The following OSCP1 variants were observed in gnomAD, a reference collection of about 807,000 sequenced individuals.
The protein encoded by OSCP1 is protein OSCP1.
A neutral mutation model predicts 45.1 loss-of-function variants in OSCP1; 35 were observed. The ratio of observed to expected loss-of-function variants is 0.78; its 90% CI spans 0.59 to 1.03. The LOEUF (loss-of-function observed/expected upper bound fraction) is 1.03, where lower values mean the gene tolerates loss of function less well. OSCP1 is among the 50% of genes least tolerant of loss of function. The pLI, the probability that OSCP1 is intolerant of heterozygous loss-of-function variation, is 0.00. For missense variants in OSCP1, 400 were observed against 470.7 expected (o/e 0.85, Z 1.39); for synonymous variants, 179 against 180.1 (o/e 0.99, Z 0.05).
intron 4 of OSCP1, among the ~76,000 whole-genome samples, chr1:36,424,681 C>T (rs1242470837): frequency 6.6e-6 from 1 of 152,194 alleles, no homozygotes; most frequent in African/African-American, 2.4e-5. Flanking sequence ...ACTGAAAACA[C>T]ATTACACTTA....
chr1:36,431,818 T>C lies in OSCP1; in HGVS notation c.500A>G (p.Gln167Arg). 6.2e-7 allele frequency: 1 copy of C among 1,613,594 alleles called. No individual in the cohort carries two copies. The highest frequency in any genetic ancestry group is 1.1e-5 in the South Asian group (1 of 91,066). ...LIRQTLLIFF[Q>R]DLHIRVSMFL... ...TTGACTTACTCGGATGTGCAGGTCT[T>C]GGAAGAAGATGAGGAGTGTCTGCCG... Residue 167 changes from glutamine to arginine, a missense_variant, in exon 4 of 10, where the codon CAA becomes CGA. By Grantham distance (43) the Gln-to-Arg change is conservative. Coordinates refer to ENST00000235532, the MANE Select transcript of OSCP1 (RefSeq NM_145047.5).
At position 36,450,333 on chromosome 1, in the gene OSCP1, A is replaced by G; in HGVS notation, c.37T>C (p.Leu13=). 1.9e-6 allele frequency: 3 copies of G among 1,613,916 alleles called. No homozygotes were observed. The highest frequency in any genetic ancestry group is 2.5e-6 in the Non-Finnish European group (3 of 1,179,942). The change falls in exon 1 of 10, where the codon TTG becomes CTG. Residue 13 remains leucine, a synonymous_variant. Coordinates refer to ENST00000235532, the MANE Select transcript of OSCP1 (RefSeq NM_145047.5). ...AGGATGTAAAGCATCTCCCCGCCCA[A>G]GTTCAAGAAGAGCAGCGGTAGCGTC... ...VRTLPLLFLN[L]GGEMLYILDQ... is the part of the protein sequence containing the mutation.
chr1:36,423,588 G>C, intron 4 of OSCP1, 122 bp from the exon 5 acceptor site: 2 of 726,898 alleles, frequency 2.8e-6, no homozygotes, highest in Non-Finnish European at 4.5e-6. Flanking sequence ...CAATAAGAAG[G>C]GAGAGGCTGG....
intron 4 of OSCP1, among the ~76,000 whole-genome samples, chr1:36,427,749 A>C (rs1321157495): frequency 6.6e-6 from 1 of 152,248 alleles, no homozygotes; most frequent in Non-Finnish European, 1.5e-5. Flanking sequence ...AGAATTTTTA[A>C]TATTTCAAAA....
Position 36,432,530 on chromosome 1 carries a change from C to A in OSCP1, c.327G>T (p.Lys109Asn). 2 of 1,614,140 alleles carry A rather than the reference C, an allele frequency of 1.2e-6. No homozygotes were observed. Among genetic ancestry groups the A allele is most frequent in the Non-Finnish European group, 1.7e-6 (2 of 1,180,030 alleles). Residue 109 changes from lysine (K) to asparagine (N), a missense_variant, in exon 3 of 10, where the codon AAG becomes AAT. By Grantham distance (94) the Lys-to-Asn change is moderately conservative. Transcript: ENST00000235532. ...GATTGAAAGTGACCAGCAGCACATC[C>A]TTGGGTCGGGGACACAGCAATACTT... Reference protein sequence around the residue: ...KYQVLLCPRPKDVLLVTFNHL... With the variant: ...KYQVLLCPRPNDVLLVTFNHL...
chr1:36,450,413 G>T lies in OSCP1; in HGVS notation c.-44C>A, dbSNP rs200812460. ...GACTGGTGAAGAGCCCCGGGGTTCGGTAGCCAGTGGCCTGAAGGCCAGGCC... is the reference window on the plus strand; with the variant it reads ...GACTGGTGAAGAGCCCCGGGGTTCGTTAGCCAGTGGCCTGAAGGCCAGGCC... On this transcript the variant is annotated 5_prime_UTR_variant, in exon 1 of 10. Coordinates refer to ENST00000235532, the MANE Select transcript of OSCP1 (RefSeq NM_145047.5). 6.4e-5 allele frequency: 98 copies of T among 1,530,958 alleles called. No homozygotes were observed. Among genetic ancestry groups the T allele is most frequent in the African/African-American group, 1.4e-5 (1 of 73,306 alleles). The allele number at this position is 1,530,958 out of a possible 1,614,324, so 94.8% of individuals were successfully genotyped here. A position where few individuals can be genotyped will look rare whatever the true frequency, so the allele number is the denominator to read the frequency against.
chr1:36,440,450 C>G (rs1029057077), intron 1 of OSCP1, among the ~76,000 whole-genome samples: 1 of 152,224 alleles, frequency 6.6e-6, no homozygotes. Context: ...ATGCTAAACT[C>G]ACACTTGACC....
intron 4 of OSCP1, among the ~76,000 whole-genome samples, chr1:36,431,008 G>A (rs1349393102): frequency 6.6e-6 from 1 of 152,212 alleles, no homozygotes; most frequent in Non-Finnish European, 1.5e-5. Flanking sequence ...GGGAATCAAA[G>A]GTGACATTCT....
chr1:36,426,695 C>T (rs1049840826), intron 4 of OSCP1, among the ~76,000 whole-genome samples: 1 of 152,104 alleles, frequency 6.6e-6, no homozygotes, highest in African/African-American at 2.4e-5. Flanking sequence ...TTCCTTCTCG[C>T]CTGCTGTATT....
chr1:36,436,641 C>T (rs1362424535), intron 2 of OSCP1, among the ~76,000 whole-genome samples: 1 of 152,206 alleles, frequency 6.6e-6, no homozygotes, highest in Admixed American at 6.5e-5. Flanking sequence ...AGCTGCAAGA[C>T]ACTGTGCCTG....
intron 4 of OSCP1, 113 bp downstream of exon 4, chr1:36,431,689 G>A (rs890348870): frequency 2.3e-6 from 2 of 888,598 alleles, no homozygotes; most frequent in Non-Finnish European, 3.4e-6. Context: ...GGCAAACCCT[G>A]AGGACATCAC....
At chr1:36,419,998 CAG>C (rs1647514245) in intron 8 of OSCP1, among the ~76,000 whole-genome samples, 2 of 144,026 alleles carry the variant, frequency 1.4e-5, no homozygotes, top group Admixed American at 1.4e-4. Flanking sequence ...TTTTTTGAGA[CAG>C]AGTCTTGCTG....
chr1:36,418,762 CAA>C (rs34581789), intron 9 of OSCP1, among the ~76,000 whole-genome samples: 81 of 136,618 alleles, frequency 5.9e-4, no homozygotes, highest in Non-Finnish European at 7.1e-4. Flanking sequence ...ACTAAAAATA[CAA>C]AAAAAAAAAA....
Position 36,418,246 on chromosome 1 carries a change from G to A in OSCP1, c.1033C>T (p.Arg345Trp), listed in dbSNP as rs148820896. The A allele has an allele frequency of 5.9e-5, 96 of 1,614,016 alleles. No homozygotes were observed. Among genetic ancestry groups the A allele is most frequent in the Non-Finnish European group, 7.5e-5 (89 of 1,180,024 alleles). Reference protein sequence around the residue: ...INIQATQDQQRSEELARIMGE... With the variant: ...INIQATQDQQWSEELARIMGE... ...ATGATTCGAGCCAGCTCCTCGCTCC[G>A]TTGCTGGTCCTATGAGGGAAATGAG... The change falls in exon 10 of 10, where the codon CGG (arginine) becomes TGG (tryptophan). Residue 345 changes from arginine (R) to tryptophan (W), a missense_variant. Coordinates refer to ENST00000235532, the MANE Select transcript of OSCP1 (RefSeq NM_145047.5).
intron 4 of OSCP1, among the ~76,000 whole-genome samples, chr1:36,429,753 A>T (rs976315126): frequency 8.8e-5 from 13 of 148,504 alleles, no homozygotes; most frequent in African/African-American, 3.2e-4. Flanking sequence ...TTTTATTTTT[A>T]TTTATTTATT....
At chr1:36,443,183 C>T (rs1412239759) in intron 1 of OSCP1, among the ~76,000 whole-genome samples, 2 of 152,058 alleles carry the variant, frequency 1.3e-5, no homozygotes, top group Non-Finnish European at 2.9e-5. Context: ...AGGCTGGCCT[C>T]GAACTCCTGA....
chr1:36,418,312 C>G lies in OSCP1; in HGVS notation c.1024-57G>C. ...AAGAGGCTGTGCTGGCAGGCCGCCT[C>G]TTTGTGCACTAGGCACTTAGTTTTT... On this transcript the variant is annotated intron_variant, in intron 9 of 9. Transcript: ENST00000235532. 3 of 1,504,854 alleles carry G rather than the reference C, an allele frequency of 2.0e-6. No individual in the cohort carries two copies. In the South Asian group the frequency reaches 3.4e-5, roughly 17 times the overall value. The allele number at this position is 1,504,854 out of a possible 1,614,324, so 93.2% of individuals were successfully genotyped here.
intron 1 of OSCP1, chr1:36,444,168 G>T: frequency 1.1e-6 from 1 of 939,864 alleles, no homozygotes; most frequent in Non-Finnish European, 1.7e-6. Flanking sequence ...AATGTCTAAT[G>T]TGAGCACACT....
intron 4 of OSCP1, among the ~76,000 whole-genome samples, chr1:36,426,479 C>A (rs1213077638): frequency 6.6e-6 from 1 of 152,186 alleles, no homozygotes; most frequent in Non-Finnish European, 1.5e-5. Flanking sequence ...ACCCATCCAT[C>A]CCATTGCCTG....
Sources: allele counts gnomAD v4.1 joint callset (sites outside exome capture counted in the v4.1 genomes callset), GRCh38; gene constraint gnomAD v4.1.1; transcripts MANE v1.5; gene names NCBI Gene and HGNC (gene_info 2026-07-23, HGNC 2026-07-21).